PTPRD: variants seen among roughly 807,000 people sequenced by gnomAD.
PTPRD encodes receptor-type tyrosine-protein phosphatase delta.
A neutral mutation model predicts 214.5 loss-of-function variants in PTPRD; 34 were observed. That is an observed-to-expected ratio of 0.16 (90% CI 0.12 to 0.21). The LOEUF is 0.21. Ranked by LOEUF, PTPRD falls within the 10% of genes least tolerant of loss-of-function variation. The pLI is 1.00. For synonymous variants in PTPRD, 1,128 were observed against 845.7 expected, an observed-to-expected ratio of 1.33 and a Z score of -5.79; for missense variants, 2,545 against 2,398.7, an observed-to-expected ratio of 1.06 and a Z score of -1.27.
intron 3 of PTPRD, among the ~76,000 whole-genome samples, chr9:10,069,330 C>T (rs1364576906): frequency 3.9e-5 from 6 of 152,018 alleles, no homozygotes; most frequent in South Asian, 2.1e-4. Context: ...TTGTGATACT[C>T]CATTACAGTT....
chr9:8,788,253 ATTTTTTTTTT>A (rs776984034), intron 11 of PTPRD, among the ~76,000 whole-genome samples: 1 of 85,262 alleles, frequency 1.2e-5, no homozygotes, highest in East Asian at 3.9e-4. Flanking sequence ...ATATAAGATG[ATTTTTTTTTT>A]TTTTTTTTTT....
At chr9:9,767,245 AATAG>A (rs1361223799) in intron 5 of PTPRD, among the ~76,000 whole-genome samples, 1 of 152,076 alleles carries the variant, frequency 6.6e-6, no homozygotes, top group Non-Finnish European at 1.5e-5. Flanking sequence ...AAGCAGGTTA[AATAG>A]ATTTTATAAT....
intron 5 of PTPRD, among the ~76,000 whole-genome samples, chr9:9,915,639 G>T (rs2080523455): frequency 6.7e-6 from 1 of 148,656 alleles, no homozygotes; most frequent in South Asian, 2.2e-4. Context: ...CCAAGCAGAA[G>T]AAACAAATTT....
intron 5 of PTPRD, among the ~76,000 whole-genome samples, chr9:9,878,931 A>G (rs1386546981): frequency 6.6e-6 from 1 of 152,186 alleles, no homozygotes; most frequent in Admixed American, 6.5e-5. Context: ...ACTTTATTAT[A>G]GGCTCCAGTC....
At chr9:9,475,366 C>T (rs1216880315) in intron 8 of PTPRD, among the ~76,000 whole-genome samples, 3 of 152,166 alleles carry the variant, frequency 2.0e-5, no homozygotes, top group African/African-American at 4.8e-5. Flanking sequence ...ACTCTTTTTA[C>T]ATATAACCCT....
At chr9:8,936,592 G>C (rs551172710) in intron 11 of PTPRD, among the ~76,000 whole-genome samples, 1 of 152,188 alleles carries the variant, frequency 6.6e-6, no homozygotes, top group Non-Finnish European at 1.5e-5. Flanking sequence ...TTGCTTTGAG[G>C]AACTGGAAAC....
intron 2 of PTPRD, among the ~76,000 whole-genome samples, chr9:10,360,539 C>CAA (rs2097359940): frequency 3.3e-5 from 5 of 152,192 alleles, no homozygotes. Context: ...ATAGAGTTGT[C>CAA]AGAGAGTGTG....
chr9:10,173,226 T>C (rs758220403), intron 3 of PTPRD, among the ~76,000 whole-genome samples: 4 of 152,182 alleles, frequency 2.6e-5, no homozygotes, highest in Admixed American at 2.0e-4. Flanking sequence ...CGTATTCTAG[T>C]AGTGTTTTAA....
chr9:8,492,629 A>T (rs1441570607), intron 27 of PTPRD, among the ~76,000 whole-genome samples: 1 of 151,946 alleles, frequency 6.6e-6, no homozygotes, highest in Non-Finnish European at 1.5e-5. Flanking sequence ...AAAAAAAAAA[A>T]AAAAATACTT....
intron 9 of PTPRD, among the ~76,000 whole-genome samples, chr9:9,350,812 T>C (rs2050804530): frequency 6.6e-6 from 1 of 152,044 alleles, no homozygotes; most frequent in Non-Finnish European, 1.5e-5. Flanking sequence ...ATAACATTCA[T>C]GTCATGTTAA....
chr9:8,734,873 A>C (rs1049469536), intron 11 of PTPRD, among the ~76,000 whole-genome samples: 1 of 152,196 alleles, frequency 6.6e-6, no homozygotes, highest in Non-Finnish European at 1.5e-5. Context: ...ATAGTGTCTC[A>C]AACTAGGCCT....
At chr9:8,485,080 C>G in intron 29 of PTPRD, 147 bp downstream of exon 29, 1 of 643,692 alleles carries the variant, frequency 1.6e-6, no homozygotes. Context: ...AAGCACCAAA[C>G]TGTCTCCCAT....
At chr9:9,097,947 C>G (rs1202901464) in intron 10 of PTPRD, among the ~76,000 whole-genome samples, 1 of 151,920 alleles carries the variant, frequency 6.6e-6, no homozygotes, top group Non-Finnish European at 1.5e-5. Flanking sequence ...GCTTGCTGAC[C>G]ATCATAAAAG....
At chr9:9,931,634 G>T (rs924298553) in intron 5 of PTPRD, among the ~76,000 whole-genome samples, 1 of 151,638 alleles carries the variant, frequency 6.6e-6, no homozygotes, top group African/African-American at 2.4e-5. Context: ...CTGCAAGACG[G>T]CAACGAGGCT....
intron 7 of PTPRD, among the ~76,000 whole-genome samples, chr9:9,626,975 G>C (rs1311721551): frequency 1.3e-5 from 2 of 152,324 alleles, no homozygotes; most frequent in East Asian, 1.9e-4. Flanking sequence ...TTTAGGAATA[G>C]TATAAGACAG....
At chr9:10,132,359 A>T (rs1308569266) in intron 3 of PTPRD, among the ~76,000 whole-genome samples, 1 of 152,152 alleles carries the variant, frequency 6.6e-6, no homozygotes, top group Non-Finnish European at 1.5e-5. Flanking sequence ...TTTAAAAAAA[A>T]CTTCAACTAT....
intron 2 of PTPRD, among the ~76,000 whole-genome samples, chr9:10,523,601 G>GTATATATATATATAGATATATATATATA: frequency 1.6e-5 from 1 of 64,336 alleles, no homozygotes; most frequent in Non-Finnish European, 3.2e-5. Flanking sequence ...ATATTTATCT[G>GTATATATATATATAGATATATATATATA]TATATATATA....
intron 9 of PTPRD, among the ~76,000 whole-genome samples, chr9:9,213,953 TTCA>T (rs2099950482): frequency 7.0e-6 from 1 of 142,000 alleles, no homozygotes; most frequent in Non-Finnish European, 1.6e-5. Context: ...CTAGAATATC[TTCA>T]TCTTCTTTTT....
At chr9:8,779,799 G>A (rs901880261) in intron 11 of PTPRD, among the ~76,000 whole-genome samples, 1 of 147,346 alleles carries the variant, frequency 6.8e-6, no homozygotes, top group Non-Finnish European at 1.5e-5. Flanking sequence ...CACACATTAT[G>A]TCGATGTTTT....
Sources: allele counts gnomAD v4.1 joint callset (sites outside exome capture counted in the v4.1 genomes callset), GRCh38; gene constraint gnomAD v4.1.1; transcripts MANE v1.5; gene names NCBI Gene and HGNC (gene_info 2026-07-23, HGNC 2026-07-21).